Variants in FAM78A observed in about 807,000 individuals in gnomAD.
FAM78A encodes family with sequence similarity 78 member A.
Under a neutral mutation model 22.6 loss-of-function variants are expected in FAM78A, and 12 were observed. The observed-to-expected ratio is 0.53, with a 90% CI of 0.34 to 0.86. The LOEUF is 0.86. Among genes scored for constraint, FAM78A ranks in the 40% least tolerant of loss-of-function variants. FAM78A has a pLI of 0.02. For missense variants in FAM78A, 322 were observed against 396.1 expected (o/e 0.81, Z 1.59); for synonymous variants, 151 against 155.8 (o/e 0.97, Z 0.23).
rs768156958 is a variant in FAM78A, at chr9:131,275,895, G to A, written c.285C>T (p.Ser95=). 2.5e-6 allele frequency: 4 copies of A among 1,609,978 alleles called. No homozygotes were observed. The Admixed American group carries it at 5.0e-5, about 20-fold the overall frequency. The change falls in exon 1 of 2, where the codon AGC becomes AGT. Residue 95 remains serine (S), a synonymous_variant. Coordinates refer to ENST00000372271, the MANE Select transcript of FAM78A (RefSeq NM_033387.4). This position sits in a 1 kb window ranked among gnomAD's most constrained non-coding sequence, Gnocchi z 4.6. ...TWVVGWIQAC[S]HMEFYNQYGE... ...CGTACTGGTTGTAGAACTCCATGTGGCTGCACGCCTGGATCCAGCCAACTA... is the reference window on the plus strand; with the variant it reads ...CGTACTGGTTGTAGAACTCCATGTGACTGCACGCCTGGATCCAGCCAACTA...
rs574534971 is a variant in FAM78A, at chr9:131,264,350, G to A, written c.324-3000C>T. ...CTCCCAGGCTGGCAGACAGCACTGC[G>A]TCACGCGGGGCATGGCTCAGGGCCA... On this transcript the variant is annotated intron_variant, in intron 1 of 1. Coordinates refer to ENST00000372271, the MANE Select transcript of FAM78A (RefSeq NM_033387.4). The A allele has an allele frequency of 9.6e-5, 50 of 518,574 alleles. No homozygotes were observed. In the South Asian group the frequency reaches 1.2e-3, roughly 13 times the overall value. 32.1% of individuals were successfully genotyped at this position (518,574 alleles called of 1,614,324 possible).
In FAM78A at chr9:131,275,787, G is replaced by A. The variant is rs1306755343; in HGVS notation, c.323+70C>T. ...GTATCTCCACCTTCCCCCTATCCGC[G>A]GCCCCCCACCAGGCCTCCAAGCTCG... On this transcript the variant is annotated intron_variant, in intron 1 of 1. Transcript: ENST00000372271. The surrounding 1 kb of genome is among the most constrained non-coding windows in gnomAD (Gnocchi z 4.6). 6 of 1,468,742 alleles carry A rather than the reference G, an allele frequency of 4.1e-6. No individual in the cohort carries two copies. Among genetic ancestry groups the A allele is most frequent in the South Asian group, 1.4e-5 (1 of 73,516 alleles). 91.0% of individuals were successfully genotyped at this position (1,468,742 alleles called of 1,614,324 possible).
Position 131,276,138 on chromosome 9 carries a change from G to A in FAM78A, c.42C>T (p.Ile14=). 2 of 1,613,332 alleles carry A rather than the reference G, an allele frequency of 1.2e-6. No homozygotes were observed. Among genetic ancestry groups the A allele is most frequent in the Non-Finnish European group, 8.5e-7 (1 of 1,179,842 alleles). The change falls in exon 1 of 2, where the codon ATC becomes ATT. Residue 14 remains isoleucine (I), a synonymous_variant. Coordinates refer to ENST00000372271, the MANE Select transcript of FAM78A (RefSeq NM_033387.4). This position sits in a 1 kb window ranked among gnomAD's most constrained non-coding sequence, Gnocchi z 4.3. ...FFCDCWPSLE[I]RALLYAMGCI... is the part of the protein sequence containing the mutation. ...AGCCCATGGCATACAGGAGCGCTCT[G>A]ATCTCCAGGGAAGGCCAGCAGTCAC...
chr9:131,266,769 G>A lies in FAM78A; in HGVS notation c.324-5419C>T, dbSNP rs534998059. 5.3e-5 allele frequency among the ~76,000 whole-genome samples: 8 copies of A among 152,324 alleles called. No individual in the cohort carries two copies. The East Asian group carries it at 1.5e-3, about 29-fold the overall frequency. ...GTGAGGGCAGGGCCAGGCCTGCCTC[G>A]CCCATCACCACATATCTGGGATGTA... On this transcript the variant is annotated intron_variant, in intron 1 of 1. Coordinates refer to ENST00000372271, the MANE Select transcript of FAM78A (RefSeq NM_033387.4).
In FAM78A at chr9:131,265,483, A is replaced by G. The variant is rs553588442; in HGVS notation, c.324-4133T>C. Among the ~76,000 whole-genome samples the G allele has an allele frequency of 1.4e-3, 207 of 152,278 alleles. No homozygotes were observed. Among genetic ancestry groups the G allele is most frequent in the African/African-American group, 4.8e-3 (198 of 41,566 alleles). On this transcript the variant is annotated intron_variant, in intron 1 of 1. Coordinates refer to ENST00000372271, the MANE Select transcript of FAM78A (RefSeq NM_033387.4). This position sits in a 1 kb window ranked among gnomAD's most constrained non-coding sequence, Gnocchi z 4.3. ...AGGTTGGTCTCGAACTCCTGACCTC[A>G]GGTAACCCACCCACCTCAGCCTCTC...
chr9:131,266,348 A>T (rs1835345197), intron 1 of FAM78A, among the ~76,000 whole-genome samples: 1 of 152,196 alleles, frequency 6.6e-6, no homozygotes, highest in Admixed American at 6.5e-5. Context: ...TGCACAGCAC[A>T]AGCACACACA....
In FAM78A at chr9:131,272,297, A is replaced by G. The variant is rs976098317; in HGVS notation, c.323+3560T>C. Reference sequence around the variant, plus strand: ...TTAAGGATGTGAATTGTCTGGGTCAAGTCCAGTGGTTCTCCACTAGGTGTG... The same window carrying G: ...TTAAGGATGTGAATTGTCTGGGTCAGGTCCAGTGGTTCTCCACTAGGTGTG... On this transcript the variant is annotated intron_variant, in intron 1 of 1. Coordinates refer to ENST00000372271, the MANE Select transcript of FAM78A (RefSeq NM_033387.4). The surrounding 1 kb of genome is among the most constrained non-coding windows in gnomAD (Gnocchi z 4.1). Among the ~76,000 whole-genome samples, 3 of 152,238 alleles carry G rather than the reference A, an allele frequency of 2.0e-5. No homozygotes were observed. The highest frequency in any genetic ancestry group is 4.4e-5 in the Non-Finnish European group (3 of 68,042).
chr9:131,268,051 CA>C (rs397894549), intron 1 of FAM78A, among the ~76,000 whole-genome samples: 9,163 of 52,438 alleles, frequency 0.17, 720 homozygotes, highest in African/African-American at 0.41. Flanking sequence ...GACTCTGTCT[CA>C]AAAAAAAAAA....
At chr9:131,262,652 G>C (rs556433864) in intron 1 of FAM78A, 1 of 152,058 alleles carries the variant, frequency 6.6e-6, no homozygotes, top group Non-Finnish European at 1.5e-5. Context: ...AGTGTCCAAC[G>C]ACAGATAAAT....
intron 1 of FAM78A, chr9:131,263,740 A>G (rs1835304691): frequency 6.5e-6 from 1 of 152,790 alleles, no homozygotes; most frequent in African/African-American, 2.4e-5. Context: ...GGGCCGCCGC[A>G]GGAGGAATGA....
rs1203660586 is a variant in FAM78A, at chr9:131,261,505, C to T, written c.324-155G>A. Among the ~76,000 whole-genome samples the T allele has an allele frequency of 6.6e-6, 1 of 152,116 alleles. No individual in the cohort carries two copies. Among genetic ancestry groups the T allele is most frequent in the African/African-American group, 2.4e-5 (1 of 41,434 alleles). ...GACGTTCTGGGGGCAGGGGGTCAGA[C>T]AGTAGCTCGGAGTCACTGTCATCAC... On this transcript the variant is annotated intron_variant, in intron 1 of 1. Transcript: ENST00000372271. The surrounding 1 kb of genome is among the most constrained non-coding windows in gnomAD (Gnocchi z 7.1).
rs372122992 is a variant in FAM78A at position 131,261,007 on chromosome 9, G to A, written c.667C>T (p.Arg223Trp). The A allele has an allele frequency of 2.3e-5, 37 of 1,613,774 alleles. No individual in the cohort carries two copies. The highest frequency in any genetic ancestry group is 1.6e-4 in the Middle Eastern group (1 of 6,082). Residue 223 changes from arginine (R) to tryptophan (W), a missense_variant, in exon 2 of 2, where the codon CGG (arginine) becomes TGG (tryptophan). By Grantham distance (101) the Arg-to-Trp change is moderately radical (BLOSUM62 -3). Coordinates refer to ENST00000372271, the MANE Select transcript of FAM78A (RefSeq NM_033387.4). The surrounding 1 kb of genome is among the most constrained non-coding windows in gnomAD (Gnocchi z 7.1). Reference sequence around the variant, plus strand: ...AGCCGGGCGCGCTGGCCCAGGGGCCGGTTGGGGTTCACCTCGATGCTGAGC... The same window carrying A: ...AGCCGGGCGCGCTGGCCCAGGGGCCAGTTGGGGTTCACCTCGATGCTGAGC... ...MQLSIEVNPN[R>W]PLGQRARLRE...
At chr9:131,277,019 G>A (rs549444498), upstream of FAM78A, among the ~76,000 whole-genome samples, 1 of 149,982 alleles carries the variant, frequency 6.7e-6, no homozygotes, top group South Asian at 2.1e-4. The surrounding 1 kb of genome is among the most constrained non-coding windows in gnomAD (Gnocchi z 8.4). Flanking sequence ...GGGGGCGCGC[G>A]GGGGCGGCGA....
At chr9:131,264,071 C>A (rs3739508) in intron 1 of FAM78A, 50,174 of 153,258 alleles carry the variant, frequency 0.33, 9,156 homozygotes, top group East Asian at 0.7. Context: ...ACTCTGTCCT[C>A]ACACAGTGCT....
At position 131,261,993 on chromosome 9, in the gene FAM78A, G is replaced by A. The variant is rs377455102; in HGVS notation, c.324-643C>T. Among the ~76,000 whole-genome samples the A allele has an allele frequency of 6.6e-6, 1 of 152,076 alleles. No individual in the cohort carries two copies. Among genetic ancestry groups the A allele is most frequent in the Non-Finnish European group, 1.5e-5 (1 of 68,028 alleles). Reference sequence around the variant, plus strand: ...TGTAATCCCAGCACTTTGGGAGGCTGAGGCAGGCTGATCACTTGAGGTTAG... The same window carrying A: ...TGTAATCCCAGCACTTTGGGAGGCTAAGGCAGGCTGATCACTTGAGGTTAG... On this transcript the variant is annotated intron_variant, in intron 1 of 1. Transcript: ENST00000372271. The surrounding 1 kb of genome is among the most constrained non-coding windows in gnomAD (Gnocchi z 7.1).
chr9:131,274,265 G>T lies in FAM78A; in HGVS notation c.323+1592C>A, dbSNP rs562513725. 6.6e-6 allele frequency among the ~76,000 whole-genome samples: 1 copy of T among 152,332 alleles called. No homozygotes were observed. Among genetic ancestry groups the T allele is most frequent in the East Asian group, 1.9e-4 (1 of 5,190 alleles). ...TTTCCAAGTTCAGAAGAACCCACTG[G>T]CTTCCTTACCCCTTCCAGGGAAGAA... On this transcript the variant is annotated intron_variant, in intron 1 of 1. Coordinates refer to ENST00000372271, the MANE Select transcript of FAM78A (RefSeq NM_033387.4). This position sits in a 1 kb window ranked among gnomAD's most constrained non-coding sequence, Gnocchi z 4.2.
At position 131,261,424 on chromosome 9, in the gene FAM78A, G is replaced by A; in HGVS notation, c.324-74C>T. On this transcript the variant is annotated intron_variant, in intron 1 of 1. Transcript: ENST00000372271. The surrounding 1 kb of genome is among the most constrained non-coding windows in gnomAD (Gnocchi z 7.1). ...TTTCTGTGTCCCCCTGGCAGGCCAG[G>A]GGCTGTCCTGGGCCCTGAGGATGGA... 7.1e-7 allele frequency: 1 copy of A among 1,398,726 alleles called. No individual in the cohort carries two copies. The highest frequency in any genetic ancestry group is 9.4e-7 in the Non-Finnish European group (1 of 1,060,250). 86.6% of individuals were successfully genotyped at this position (1,398,726 alleles called of 1,614,324 possible).
chr9:131,261,469 C>CGGT lies in FAM78A; in HGVS notation c.324-122_324-120dup. On this transcript the variant is annotated intron_variant, in intron 1 of 1. Transcript: ENST00000372271. This position sits in a 1 kb window ranked among gnomAD's most constrained non-coding sequence, Gnocchi z 7.1. ...GATGGAACGGACCCAGCAGACCACC[C>CGGT]GGTCCCCTTTGACGTTCTGGGGGCA... The CGGT allele has an allele frequency of 1.0e-6, 1 of 960,172 alleles. No individual in the cohort carries two copies. The highest frequency in any genetic ancestry group is 1.8e-5 in the South Asian group (1 of 55,724). The allele number at this position is 960,172 out of a possible 1,614,324, so 59.5% of individuals were successfully genotyped here. A position where few individuals can be genotyped will look rare whatever the true frequency, so the allele number is the denominator to read the frequency against.
intron 1 of FAM78A, among the ~76,000 whole-genome samples, chr9:131,269,353 G>A (rs148584389): frequency 1.3e-5 from 2 of 152,108 alleles, no homozygotes; most frequent in Admixed American, 6.5e-5. Flanking sequence ...TGTCTTCATC[G>A]CCTATGGCCC....
Sources: gnomAD v4.1 joint callset for allele counts (sites outside exome capture counted in the v4.1 genomes callset) on GRCh38, gnomAD v4.1.1 for gene constraint, Gnocchi (gnomAD v3.1) non-coding constraint, MANE v1.5 for transcripts, NCBI Gene and HGNC (gene_info 2026-07-23, HGNC 2026-07-21) for gene names.